The following GRIK4 variants were observed in gnomAD, a reference collection of about 807,000 sequenced individuals.
GRIK4 encodes glutamate ionotropic receptor kainate type subunit 4.
A neutral mutation model predicts 104.9 loss-of-function variants in GRIK4; 40 were observed. That is an observed-to-expected ratio of 0.38 (90% CI 0.30 to 0.50). GRIK4 has a LOEUF of 0.50. Ranked by LOEUF, GRIK4 falls within the 20% of genes least tolerant of loss-of-function variation. GRIK4 has a pLI of 0.93. For synonymous variants in GRIK4, 485 were observed against 524.9 expected (o/e 0.92, Z 1.04); for missense variants, 1,047 against 1,308.1 (o/e 0.80, Z 3.08).
intron 8 of GRIK4, among the ~76,000 whole-genome samples, chr11:120,847,137 A>C (rs561764737): frequency 3.3e-5 from 5 of 152,258 alleles, no homozygotes; most frequent in Admixed American, 6.5e-5. Flanking sequence ...AGAGCATCTA[A>C]CTAAATCTCA....
intron 3 of GRIK4, among the ~76,000 whole-genome samples, chr11:120,663,646 G>A (rs1366808790): frequency 6.6e-6 from 1 of 151,996 alleles, no homozygotes; most frequent in Non-Finnish European, 1.5e-5. Context: ...TCCTTCCTTG[G>A]CTCTGTATTT....
At chr11:120,656,342 T>C (rs1043855086) in intron 2 of GRIK4, among the ~76,000 whole-genome samples, 5 of 152,228 alleles carry the variant, frequency 3.3e-5, no homozygotes, top group Admixed American at 6.5e-5. Context: ...ATGTATCTTT[T>C]CTTGGGCACA....
chr11:120,819,364 A>G lies in GRIK4; in HGVS notation c.346-391A>G, dbSNP rs916725904. The stretch of plus-strand genomic sequence containing the variant: ...CTTTCTGCCGTCTCTGCTCTGATGT[A>G]TTAACTACAAATAAAATATTCTAAG... On this transcript the variant is annotated intron_variant, in intron 5 of 20. Transcript: ENST00000527524. The surrounding 1 kb of genome is among the most constrained non-coding windows in gnomAD (Gnocchi z 4.3). Among the ~76,000 whole-genome samples the G allele has an allele frequency of 7.9e-5, 12 of 152,156 alleles. No individual in the cohort carries two copies. The highest frequency in any genetic ancestry group is 2.4e-4 in the African/African-American group (10 of 41,438).
intron 9 of GRIK4, chr11:120,869,817 C>G (rs1212669386): frequency 6.6e-6 from 1 of 152,300 alleles, no homozygotes; most frequent in African/African-American, 2.4e-5. Flanking sequence ...AAAGGGATCC[C>G]CAGGGCCTTG....
rs775612724 is a variant in GRIK4, at chr11:120,962,734, G to T, written c.2266+53G>T. The T allele has an allele frequency of 4.7e-6, 6 of 1,273,724 alleles. No individual in the cohort carries two copies. The African/African-American group carries it at 8.7e-5, about 19-fold the overall frequency. 78.9% of individuals were successfully genotyped at this position (1,273,724 alleles called of 1,614,324 possible). On this transcript the variant is annotated intron_variant, in intron 18 of 20. Coordinates refer to ENST00000527524, the MANE Select transcript of GRIK4 (RefSeq NM_014619.5). ...GGTAGCTTTGTCCAGACAGGGTCAG[G>T]GTAGCTCAAACCACTGAATACAGCA...
rs1175186465 is a variant in GRIK4 at position 120,825,823 on chromosome 11, C to T, written c.511+5903C>T. Reference sequence around the variant, plus strand: ...TAACTGGGCCCAGAACACGATACCACATTTAATTACTGTTATTTTATTCTG... The same window carrying T: ...TAACTGGGCCCAGAACACGATACCATATTTAATTACTGTTATTTTATTCTG... On this transcript the variant is annotated intron_variant, in intron 6 of 20. Coordinates refer to ENST00000527524, the MANE Select transcript of GRIK4 (RefSeq NM_014619.5). 2.0e-5 allele frequency among the ~76,000 whole-genome samples: 3 copies of T among 152,302 alleles called. No homozygotes were observed. The East Asian group carries it at 5.8e-4, about 29-fold the overall frequency.
At position 120,835,824 on chromosome 11, in the gene GRIK4, G is replaced by T. The variant is rs59852162; in HGVS notation, c.691-967G>T. The stretch of plus-strand genomic sequence containing the variant: ...CACACTCAAAGCCAGGCACACTGAC[G>T]GGGAAGGTTGGCTAGGGGTATTTAT... On this transcript the variant is annotated intron_variant, in intron 7 of 20. Coordinates refer to ENST00000527524, the MANE Select transcript of GRIK4 (RefSeq NM_014619.5). Among the ~76,000 whole-genome samples the T allele has an allele frequency of 2.9e-3, 446 of 152,208 alleles. 3 individuals carry two copies. Among genetic ancestry groups the T allele is most frequent in the African/African-American group, 0.01 (431 of 41,516 alleles).
At chr11:120,841,302 ATTCTAAT>A (rs1055847166) in intron 8 of GRIK4, among the ~76,000 whole-genome samples, 30 of 152,066 alleles carry the variant, frequency 2.0e-4, no homozygotes, top group Non-Finnish European at 5.9e-5. Context: ...GGCAACCACC[ATTCTAAT>A]TTCTCTCTGT....
At chr11:120,734,708 T>C (rs978014354) in intron 3 of GRIK4, among the ~76,000 whole-genome samples, 1 of 152,188 alleles carries the variant, frequency 6.6e-6, no homozygotes, top group Non-Finnish European at 1.5e-5. Context: ...TTCTAGATCT[T>C]GTAGGCATGT....
At chr11:120,582,492 C>T (rs1027638320) in intron 1 of GRIK4, among the ~76,000 whole-genome samples, 2 of 152,048 alleles carry the variant, frequency 1.3e-5, no homozygotes, top group Admixed American at 6.6e-5. Flanking sequence ...GCTTTGCTGT[C>T]TGTTGTTCCC....
chr11:120,751,108 G>A (rs1951541924), intron 3 of GRIK4, among the ~76,000 whole-genome samples: 2 of 152,096 alleles, frequency 1.3e-5, no homozygotes, highest in African/African-American at 4.8e-5. Context: ...AGTAGAGAGG[G>A]AGCGATTCTT....
At chr11:120,568,445 T>A (rs1400592456) in intron 1 of GRIK4, among the ~76,000 whole-genome samples, 4 of 152,010 alleles carry the variant, frequency 2.6e-5, no homozygotes, top group Admixed American at 2.6e-4. Context: ...TGGAGTGCAG[T>A]GGCATAATCT....
chr11:120,605,136 A>G (rs1222066659), intron 1 of GRIK4, among the ~76,000 whole-genome samples: 2 of 152,236 alleles, frequency 1.3e-5, no homozygotes, highest in African/African-American at 4.8e-5. Flanking sequence ...CGCACAGCAC[A>G]GCCAAGTCTG....
intron 8 of GRIK4, among the ~76,000 whole-genome samples, chr11:120,851,983 C>A (rs1240442808): frequency 6.6e-6 from 1 of 152,152 alleles, no homozygotes; most frequent in Non-Finnish European, 1.5e-5. Context: ...AGAGGTTTAG[C>A]AACTGATGTA....
At chr11:120,561,979 A>G (rs1261872699) in intron 1 of GRIK4, among the ~76,000 whole-genome samples, 1 of 152,200 alleles carries the variant, frequency 6.6e-6, no homozygotes, top group African/African-American at 2.4e-5. Flanking sequence ...AGAGCCCCAG[A>G]AGGATGTCGT....
rs1023988340 is a variant in GRIK4, at chr11:120,987,667, C to T, written c.*1407C>T. 5 of 152,146 alleles carry T rather than the reference C, an allele frequency of 3.3e-5. No individual in the cohort carries two copies. Among genetic ancestry groups the T allele is most frequent in the African/African-American group, 1.2e-4 (5 of 41,426 alleles). 9.4% of individuals were successfully genotyped at this position (152,146 alleles called of 1,614,324 possible). On this transcript the variant is annotated 3_prime_UTR_variant, in exon 21 of 21. Coordinates refer to ENST00000527524, the MANE Select transcript of GRIK4 (RefSeq NM_014619.5). Reference sequence around the variant, plus strand: ...AGCATTTAACTTCTCTTCCATCTACCAAATAGGAGTTACTGATGCTGTCCA... The same window carrying T: ...AGCATTTAACTTCTCTTCCATCTACTAAATAGGAGTTACTGATGCTGTCCA...
chr11:120,627,635 G>A (rs1171570283), intron 1 of GRIK4, among the ~76,000 whole-genome samples: 4 of 152,176 alleles, frequency 2.6e-5, no homozygotes, highest in Non-Finnish European at 5.9e-5. Context: ...GGGCAAAACT[G>A]TCAACATGGC....
chr11:120,752,808 A>G (rs891798385), intron 3 of GRIK4, among the ~76,000 whole-genome samples: 3 of 152,218 alleles, frequency 2.0e-5, no homozygotes, highest in South Asian at 4.1e-4. Flanking sequence ...CTGTTTGCAC[A>G]GCTGAGGCAT....
At chr11:120,863,134 C>T (rs1239932057) in intron 9 of GRIK4, among the ~76,000 whole-genome samples, 1 of 152,222 alleles carries the variant, frequency 6.6e-6, no homozygotes, top group Non-Finnish European at 1.5e-5. Flanking sequence ...CCACGCTGTA[C>T]TGTAATTGAG....
Sources: allele counts gnomAD v4.1 joint callset (sites outside exome capture counted in the v4.1 genomes callset), GRCh38; gene constraint gnomAD v4.1.1; non-coding constraint Gnocchi (gnomAD v3.1); transcripts MANE v1.5; gene names NCBI Gene and HGNC (gene_info 2026-07-23, HGNC 2026-07-21).